The following CSMD1 variants were observed in gnomAD, a reference collection of about 807,000 sequenced individuals.
CSMD1 encodes the protein CUB and Sushi multiple domains 1.
CSMD1 carries 213 observed loss-of-function variants against 417.5 expected under a neutral mutation model. The ratio of observed to expected loss-of-function variants is 0.51; its 90% CI spans 0.46 to 0.57. CSMD1 has a LOEUF of 0.57. Among genes scored for constraint, CSMD1 ranks in the 20% least tolerant of loss-of-function variants. The pLI is 0.00. For synonymous variants in CSMD1, 2,862 were observed against 1,736.8 expected, an observed-to-expected ratio of 1.65 and a Z score of -16.11; for missense variants, 6,923 against 4,529.7, an observed-to-expected ratio of 1.53 and a Z score of -15.17.
chr8:4,723,839 A>G (rs1389486172), intron 1 of CSMD1, among the ~76,000 whole-genome samples: 1 of 151,190 alleles, frequency 6.6e-6, no homozygotes, highest in Non-Finnish European at 1.5e-5. Context: ...TGAATCATGG[A>G]GGACCTTGTA....
intron 10 of CSMD1, among the ~76,000 whole-genome samples, chr8:3,540,957 G>A (rs1798412545): frequency 6.6e-6 from 1 of 152,194 alleles, no homozygotes; most frequent in Non-Finnish European, 1.5e-5. Flanking sequence ...CAACCATTGT[G>A]GAGGACAGTG....
chr8:3,365,821 T>A (rs1809526609), intron 20 of CSMD1, among the ~76,000 whole-genome samples: 1 of 152,188 alleles, frequency 6.6e-6, no homozygotes, highest in Non-Finnish European at 1.5e-5. Flanking sequence ...CCTTGAATAA[T>A]ACAAGGATTA....
At chr8:4,949,482 T>G (rs577245804) in intron 1 of CSMD1, among the ~76,000 whole-genome samples, 1 of 152,318 alleles carries the variant, frequency 6.6e-6, no homozygotes, top group Admixed American at 6.5e-5. Context: ...TCTAATTTAG[T>G]AGTTCTCAAC....
chr8:3,269,429 G>C (rs1044935627), intron 26 of CSMD1, among the ~76,000 whole-genome samples: 10 of 152,212 alleles, frequency 6.6e-5, no homozygotes, highest in African/African-American at 1.4e-4. Context: ...AACAGTCCCA[G>C]CCTGTTCTGC....
chr8:3,049,294 G>T (rs1233086301), intron 50 of CSMD1, among the ~76,000 whole-genome samples: 1 of 152,156 alleles, frequency 6.6e-6, no homozygotes. Context: ...GATGTTTATA[G>T]CAGCTTTATT....
intron 21 of CSMD1, among the ~76,000 whole-genome samples, chr8:3,349,934 A>G (rs1035507391): frequency 6.9e-5 from 10 of 144,718 alleles, no homozygotes; most frequent in Admixed American, 2.1e-4. Flanking sequence ...TATTATATAT[A>G]ATATATATTA....
chr8:3,760,544 G>T (rs558141836), intron 5 of CSMD1, among the ~76,000 whole-genome samples: 1 of 152,096 alleles, frequency 6.6e-6, no homozygotes, highest in Non-Finnish European at 1.5e-5. Flanking sequence ...ACTTTTCTCC[G>T]ATGGGATATA....
chr8:3,661,743 C>T (rs534155661), intron 7 of CSMD1, among the ~76,000 whole-genome samples: 64 of 152,212 alleles, frequency 4.2e-4, no homozygotes, highest in Middle Eastern at 3.4e-3. Context: ...GTGATTCACC[C>T]GCCCTGGCTT....
intron 1 of CSMD1, among the ~76,000 whole-genome samples, chr8:4,809,655 C>G (rs528459282): frequency 3.3e-5 from 5 of 152,258 alleles, no homozygotes; most frequent in Admixed American, 2.6e-4. Flanking sequence ...TTTAACTTTT[C>G]TAGGGGCCAT....
intron 11 of CSMD1, among the ~76,000 whole-genome samples, chr8:3,476,962 G>A (rs1413656563): frequency 6.6e-6 from 1 of 151,286 alleles, no homozygotes; most frequent in East Asian, 1.9e-4. Flanking sequence ...CAGGGTTTAA[G>A]TTGGGGGAGC....
chr8:3,656,715 C>A (rs1157052056), intron 7 of CSMD1, among the ~76,000 whole-genome samples: 1 of 152,156 alleles, frequency 6.6e-6, no homozygotes, highest in East Asian at 1.9e-4. Flanking sequence ...ATCACAAGGT[C>A]AGCAGTCCGA....
chr8:3,423,180 A>G (rs1813605789), intron 12 of CSMD1, among the ~76,000 whole-genome samples: 1 of 152,210 alleles, frequency 6.6e-6, no homozygotes, highest in African/African-American at 2.4e-5. Flanking sequence ...AGGTACCACA[A>G]ATTTTACCAC....
At chr8:4,792,049 C>T (rs981302097) in intron 1 of CSMD1, among the ~76,000 whole-genome samples, 2 of 152,152 alleles carry the variant, frequency 1.3e-5, no homozygotes, top group Admixed American at 6.5e-5. Flanking sequence ...GACATTCTTA[C>T]CCAAGATTCA....
chr8:4,471,545 C>T (rs1800531517), intron 2 of CSMD1, among the ~76,000 whole-genome samples: 1 of 152,028 alleles, frequency 6.6e-6, no homozygotes, highest in South Asian at 2.1e-4. Flanking sequence ...GAATTAGAAC[C>T]AGTGCATGGT....
chr8:4,379,922 G>C (rs978548074), intron 3 of CSMD1, among the ~76,000 whole-genome samples: 4 of 152,186 alleles, frequency 2.6e-5, no homozygotes, highest in Non-Finnish European at 5.9e-5. Flanking sequence ...AACTCCATGA[G>C]CGCGGCCAGC....
At chr8:4,698,436 G>A (rs12545434) in intron 1 of CSMD1, among the ~76,000 whole-genome samples, 1 of 151,926 alleles carries the variant, frequency 6.6e-6, no homozygotes, top group African/African-American at 2.4e-5. Context: ...CAGGCTTGGT[G>A]TGATTCGCAA....
At chr8:3,694,655 G>C (rs1006002458) in intron 7 of CSMD1, among the ~76,000 whole-genome samples, 2 of 152,014 alleles carry the variant, frequency 1.3e-5, no homozygotes, top group African/African-American at 4.8e-5. Context: ...GGTGGACACA[G>C]CAGTGGAGGA....
At chr8:3,554,503 G>A (rs1232476230) in intron 10 of CSMD1, among the ~76,000 whole-genome samples, 1 of 152,132 alleles carries the variant, frequency 6.6e-6, no homozygotes, top group African/African-American at 2.4e-5. Context: ...GGGAAGCAAG[G>A]CCACATAAAT....
chr8:3,641,635 A>G (rs950908093), intron 7 of CSMD1, among the ~76,000 whole-genome samples: 1 of 152,138 alleles, frequency 6.6e-6, no homozygotes, highest in Non-Finnish European at 1.5e-5. Context: ...AGAGAATACC[A>G]GCATTTATAG....
Sources: gnomAD v4.1 joint callset for allele counts (sites outside exome capture counted in the v4.1 genomes callset) on GRCh38, gnomAD v4.1.1 for gene constraint, MANE v1.5 for transcripts, NCBI Gene and HGNC (gene_info 2026-07-23, HGNC 2026-07-21) for gene names.